OTUD7B: variants seen among roughly 807,000 people sequenced by gnomAD.
OTUD7B encodes the protein OTU domain-containing protein 7B.
OTUD7B carries 34 observed loss-of-function variants against 82.2 expected under a neutral mutation model. The ratio of observed to expected loss-of-function variants is 0.41; its 90% confidence interval spans 0.31 to 0.55. The LOEUF is 0.55. OTUD7B is among the 20% of genes least tolerant of loss of function. The probability of loss-of-function intolerance (pLI) is 0.20; values close to 1 mark genes in which losing one functional copy is unlikely to be tolerated. For synonymous variants in OTUD7B, 398 were observed against 402.7 expected (o/e 0.99, Z 0.14); for missense variants, 944 against 1,062.1 (o/e 0.89, Z 1.55).
chr1:149,949,569 G>A (rs1223760210), intron 9 of OTUD7B, 60 bp downstream of exon 9: 1 of 1,547,794 alleles, frequency 6.5e-7, no homozygotes, highest in African/African-American at 1.4e-5. Context: ...TCCTACATTA[G>A]ATCTCATTCA....
intron 7 of OTUD7B, among the ~76,000 whole-genome samples, chr1:149,950,700 T>A (rs1648124920): frequency 1.3e-5 from 2 of 152,166 alleles, no homozygotes; most frequent in Admixed American, 6.5e-5. Context: ...AGTAGCATAA[T>A]CAGAAATTTG....
In OTUD7B at chr1:149,943,612, T is replaced by G. The variant is rs1370363812; in HGVS notation, c.*245A>C. 1 of 512,378 alleles carries G rather than the reference T, an allele frequency of 2.0e-6. No homozygotes were observed. Among genetic ancestry groups the G allele is most frequent in the African/African-American group, 1.9e-5 (1 of 52,166 alleles). 31.7% of individuals were successfully genotyped at this position (512,378 alleles called of 1,614,324 possible). A position where few individuals can be genotyped will look rare whatever the true frequency, so the allele number is the denominator to read the frequency against. ...AGACAGAATCGCCATCTTTTCCCCTTGTACCTCAAACCTCATCAAGTCAAG... is the reference window on the plus strand; with the variant it reads ...AGACAGAATCGCCATCTTTTCCCCTGGTACCTCAAACCTCATCAAGTCAAG... On this transcript the variant is annotated 3_prime_UTR_variant, in exon 12 of 12. Transcript: ENST00000581312.
At chr1:149,990,450 A>G (rs965885028) in intron 1 of OTUD7B, among the ~76,000 whole-genome samples, 7 of 152,220 alleles carry the variant, frequency 4.6e-5, no homozygotes, top group African/African-American at 1.7e-4. Flanking sequence ...AGAGTTATCT[A>G]CACCTAAAAT....
intron 7 of OTUD7B, among the ~76,000 whole-genome samples, chr1:149,950,657 T>C (rs1553773170): frequency 6.6e-6 from 1 of 152,150 alleles, no homozygotes; most frequent in South Asian, 2.1e-4. Flanking sequence ...TATGTTCCTT[T>C]CCTCACTGAA....
At chr1:150,066,322 G>A in the OTUD7B span, among the ~76,000 whole-genome samples, 4 of 152,024 alleles carry the variant, frequency 2.6e-5, no homozygotes, top group African/African-American at 4.8e-5. This position sits in a 1 kb window ranked among gnomAD's most constrained non-coding sequence, Gnocchi z 4.6. Context: ...TCCATTTAAA[G>A]ATTCACATTT....
At chr1:150,024,168 A>C in the OTUD7B span, among the ~76,000 whole-genome samples, 237 of 152,316 alleles carry the variant, frequency 1.6e-3, no homozygotes, top group African/African-American at 5.3e-3. Context: ...CCACAAGTTA[A>C]ATCTAGTTCC....
chr1:150,012,294 A>C (rs1470498283), upstream of OTUD7B, among the ~76,000 whole-genome samples: 2 of 152,152 alleles, frequency 1.3e-5, no homozygotes, highest in African/African-American at 4.8e-5. Flanking sequence ...CAGCCGTTGG[A>C]AAGGAGCTGA....
At chr1:149,979,920 T>TTC (rs1553779347) in intron 1 of OTUD7B, among the ~76,000 whole-genome samples, 1 of 152,098 alleles carries the variant, frequency 6.6e-6, no homozygotes, top group African/African-American at 2.4e-5. Context: ...AATTTCAATC[T>TTC]TCTCTCTTTA....
chr1:150,009,507 G>A (rs1344697986), intron 1 of OTUD7B, among the ~76,000 whole-genome samples: 2 of 152,158 alleles, frequency 1.3e-5, no homozygotes, highest in African/African-American at 4.8e-5. Flanking sequence ...AAAAGATAAG[G>A]AAAATAAAAG....
chr1:150,060,247 T>G, the OTUD7B span, among the ~76,000 whole-genome samples: 27 of 152,320 alleles, frequency 1.8e-4, no homozygotes, highest in South Asian at 6.2e-4. Flanking sequence ...ATTCCTGTGT[T>G]GAAGTCCTGA....
Position 149,959,666 on chromosome 1 carries a change from C to T in OTUD7B, c.845+18G>A, listed in dbSNP as rs200011867. Reference sequence around the variant, plus strand: ...GACTCTATGCAGGTTTCCTCCTCCCCTACTTAGCCATACTTACCCACCACA... The same window carrying T: ...GACTCTATGCAGGTTTCCTCCTCCCTTACTTAGCCATACTTACCCACCACA... On this transcript the variant is annotated intron_variant, in intron 7 of 11. Transcript: ENST00000581312. The T allele has an allele frequency of 6.6e-7, 1 of 1,508,160 alleles. No individual in the cohort carries two copies. Among genetic ancestry groups the T allele is most frequent in the Non-Finnish European group, 9.2e-7 (1 of 1,083,318 alleles). 93.4% of individuals were successfully genotyped at this position (1,508,160 alleles called of 1,614,324 possible).
the OTUD7B span, among the ~76,000 whole-genome samples, chr1:150,046,474 G>A: frequency 3.1e-5 from 4 of 130,394 alleles, no homozygotes; most frequent in Admixed American, 1.7e-4. Context: ...TTGAGACAGA[G>A]TCTTGCTCTG....
chr1:150,017,765 A>G, the OTUD7B span, among the ~76,000 whole-genome samples: 2 of 152,232 alleles, frequency 1.3e-5, no homozygotes, highest in Admixed American at 1.3e-4. Flanking sequence ...GCTTTGGGGC[A>G]TTTACTTGAC....
the OTUD7B span, among the ~76,000 whole-genome samples, chr1:150,053,291 G>T: frequency 6.6e-6 from 1 of 152,076 alleles, no homozygotes; most frequent in Admixed American, 6.5e-5. Context: ...TCTGACAAAG[G>T]TCTAATATCC....
the OTUD7B span, among the ~76,000 whole-genome samples, chr1:150,061,775 A>G: frequency 6.6e-6 from 1 of 152,198 alleles, no homozygotes; most frequent in Non-Finnish European, 1.5e-5. Context: ...CGAGTCTGGG[A>G]ATGCCTCCAG....
At chr1:149,993,396 G>A (rs1225739982) in intron 1 of OTUD7B, among the ~76,000 whole-genome samples, 4 of 152,080 alleles carry the variant, frequency 2.6e-5, no homozygotes, top group Non-Finnish European at 5.9e-5. Flanking sequence ...CCAATAAGTC[G>A]TTATCTCTGC....
chr1:150,015,191 T>C (rs115961292), upstream of OTUD7B, among the ~76,000 whole-genome samples: 639 of 152,196 alleles, frequency 4.2e-3, 7 homozygotes, highest in African/African-American at 0.014. Context: ...ATATTTAGTA[T>C]CTTGTAATAG....
At chr1:150,057,330 T>C in the OTUD7B span, among the ~76,000 whole-genome samples, 2 of 152,212 alleles carry the variant, frequency 1.3e-5, no homozygotes, top group Non-Finnish European at 2.9e-5. Flanking sequence ...GTAAAGAGTA[T>C]AAGGGAACTC....
intron 1 of OTUD7B, among the ~76,000 whole-genome samples, chr1:150,000,239 T>G (rs950776588): frequency 7.9e-5 from 12 of 152,106 alleles, no homozygotes; most frequent in African/African-American, 2.7e-4. Flanking sequence ...TTTGGGAGAC[T>G]GAGGCAGGCA....
Sources: allele counts gnomAD v4.1 joint callset (sites outside exome capture counted in the v4.1 genomes callset), GRCh38; gene constraint gnomAD v4.1.1; non-coding constraint Gnocchi (gnomAD v3.1); transcripts MANE v1.5; gene names NCBI Gene and HGNC (gene_info 2026-07-23, HGNC 2026-07-21).